The following CERS5 variants were observed in gnomAD, a reference collection of about 807,000 sequenced individuals.
CERS5 encodes ceramide synthase 5.
A neutral mutation model predicts 58.9 loss-of-function variants in CERS5; 37 were observed. The observed-to-expected ratio is 0.63, with a 90% CI of 0.48 to 0.83. The LOEUF (loss-of-function observed/expected upper bound fraction) is 0.83, where lower values mean the gene tolerates loss of function less well. Ranked by LOEUF, CERS5 falls within the 40% of genes least tolerant of loss-of-function variation. The pLI is 0.00. For synonymous variants in CERS5, 147 were observed against 177.8 expected (o/e 0.83, Z 1.38); for missense variants, 398 against 489.3 (o/e 0.81, Z 1.76).
chr12:50,134,967 T>G lies in CERS5; in HGVS notation c.873-265A>C, dbSNP rs548732468. ...ATTAATCACTTCAAATATCCAGAGTTTCACGAAATTAGGACAGCAGTGGGA... is the reference window on the plus strand; with the variant it reads ...ATTAATCACTTCAAATATCCAGAGTGTCACGAAATTAGGACAGCAGTGGGA... On this transcript the variant is annotated intron_variant, in intron 8 of 9. Coordinates refer to ENST00000317551, the MANE Select transcript of CERS5 (RefSeq NM_147190.5). 4 of 470,684 alleles carry G rather than the reference T, an allele frequency of 8.5e-6. No homozygotes were observed. The South Asian group carries it at 8.7e-5, about 10-fold the overall frequency. 29.2% of individuals were successfully genotyped at this position (470,684 alleles called of 1,614,324 possible). A position where few individuals can be genotyped will look rare whatever the true frequency, so the allele number is the denominator to read the frequency against.
chr12:50,135,798 C>T lies in CERS5; in HGVS notation c.806G>A (p.Cys269Tyr). The T allele has an allele frequency of 6.2e-7, 1 of 1,614,104 alleles. No homozygotes were observed. Among genetic ancestry groups the T allele is most frequent in the Non-Finnish European group, 8.5e-7 (1 of 1,180,018 alleles). The change falls in exon 8 of 10, where the codon TGT becomes TAT. Residue 269 changes from cysteine (C) to tyrosine (Y), a missense_variant. Transcript: ENST00000317551. ...ACTGAAGATCACAAAAAGGGTGTCA[C>T]AGAGCCGCTGATACTTGGCATAATT... ...LANYAKYQRL[C>Y]DTLFVIFSAV...
At chr12:50,167,032 G>C in intron 1 of CERS5, 69 bp downstream of exon 1, 5 of 1,236,006 alleles carry the variant, frequency 4.0e-6, no homozygotes, top group Non-Finnish European at 5.4e-6. Flanking sequence ...TCCGGCCCTC[G>C]GCCCTTCCCA....
At chr12:50,138,989 A>G (rs1348575369) in intron 4 of CERS5, among the ~76,000 whole-genome samples, 5 of 152,332 alleles carry the variant, frequency 3.3e-5, no homozygotes, top group African/African-American at 9.6e-5. Flanking sequence ...TATGTCCTTT[A>G]AGGAGTTTGT....
At chr12:50,148,482 A>T (rs1345017156) in intron 1 of CERS5, 1 of 280,592 alleles carries the variant, frequency 3.6e-6, no homozygotes, top group Non-Finnish European at 7.5e-6. Flanking sequence ...CTGTAGTCCC[A>T]GCTGCTCAGG....
At chr12:50,155,241 G>T (rs1938437099) in intron 1 of CERS5, among the ~76,000 whole-genome samples, 1 of 152,012 alleles carries the variant, frequency 6.6e-6, no homozygotes, top group African/African-American at 2.4e-5. Flanking sequence ...AAAGCTCCTT[G>T]GAGTCCTCAG....
intron 8 of CERS5, chr12:50,135,282 AG>A: frequency 4.6e-6 from 1 of 216,664 alleles, no homozygotes; most frequent in South Asian, 4.3e-5. Context: ...AGGGAGAGAG[AG>A]GAGAGGGAGG....
At chr12:50,131,691 A>G (rs1347595742) in intron 9 of CERS5, among the ~76,000 whole-genome samples, 4 of 152,008 alleles carry the variant, frequency 2.6e-5, no homozygotes, top group Non-Finnish European at 5.9e-5. Flanking sequence ...CCATCTGTGA[A>G]TGCTTATTAA....
In CERS5 at chr12:50,155,736, C is replaced by CAAAAAAA. The variant is rs146913126; in HGVS notation, c.197+11358_197+11364dup. 4.7e-4 allele frequency among the ~76,000 whole-genome samples: 10 copies of CAAAAAAA among 21,478 alleles called. 1 individual carries two copies. Among genetic ancestry groups the CAAAAAAA allele is most frequent in the African/African-American group, 2.0e-3 (10 of 4,950 alleles). The allele number at this position is 21,478 out of a possible 152,430, so 14.1% of individuals were successfully genotyped here. A position where few individuals can be genotyped will look rare whatever the true frequency, so the allele number is the denominator to read the frequency against. On this transcript the variant is annotated intron_variant, in intron 1 of 9. Transcript: ENST00000317551. ...TGGGCGACAGAGCGAGACTCCATCTCAAAAAAAAAAAAAAAAAAAAAAAAA... is the reference window on the plus strand; with the variant it reads ...TGGGCGACAGAGCGAGACTCCATCTCAAAAAAAAAAAAAAAAAAAAAAAAAAAAAAAA...
At chr12:50,135,229 GAC>G (rs1951602214) in intron 8 of CERS5, among the ~76,000 whole-genome samples, 1 of 92,402 alleles carries the variant, frequency 1.1e-5, no homozygotes, top group Admixed American at 1.0e-4. Context: ...GAGAGAGGAG[GAC>G]AGGGAGGGAG....
At chr12:50,134,324 T>C in intron 9 of CERS5, 1 of 1,213,156 alleles carries the variant, frequency 8.2e-7, no homozygotes, top group Admixed American at 2.7e-5. Flanking sequence ...CAGTAAGCTA[T>C]GATCATGCCA....
intron 9 of CERS5, chr12:50,133,207 A>G (rs182222028): frequency 2.2e-4 from 254 of 1,170,836 alleles, no homozygotes; most frequent in Non-Finnish European, 2.6e-4. Flanking sequence ...GCCACATTCC[A>G]TCACTTGGTC....
chr12:50,142,106 TCCA>T lies in CERS5; in HGVS notation c.436_438del (p.Trp146del). On this transcript the variant is annotated inframe_deletion and splice_region_variant, in exon 4 of 10. Coordinates refer to ENST00000317551, the MANE Select transcript of CERS5 (RefSeq NM_147190.5). ...AATATACATAAATAAAATGTGAATC[TCCA>T]CCTGGGTGGGCAAAGAGTAAAGGTT... 8.1e-6 allele frequency: 13 copies of T among 1,601,232 alleles called. No homozygotes were observed. Among genetic ancestry groups the T allele is most frequent in the Non-Finnish European group, 1.1e-5 (13 of 1,170,010 alleles).
intron 1 of CERS5, among the ~76,000 whole-genome samples, chr12:50,163,421 C>A (rs1939523949): frequency 6.6e-6 from 1 of 151,848 alleles, no homozygotes. Flanking sequence ...TGGTCTCAAA[C>A]TCCTGACCTC....
At chr12:50,147,839 G>A (rs1048148801) in intron 1 of CERS5, among the ~76,000 whole-genome samples, 1 of 152,078 alleles carries the variant, frequency 6.6e-6, no homozygotes, top group Admixed American at 6.6e-5. Context: ...GTGCAGTGGT[G>A]TGATCACTGC....
intron 1 of CERS5, chr12:50,165,931 T>C (rs111269432): frequency 2.2e-6 from 1 of 455,136 alleles, no homozygotes; most frequent in South Asian, 1.6e-5. Context: ...AAAGCCTCAG[T>C]GAATATCTTT....
intron 5 of CERS5, among the ~76,000 whole-genome samples, chr12:50,138,076 A>G (rs1951780850): frequency 6.6e-6 from 1 of 152,196 alleles, no homozygotes; most frequent in Non-Finnish European, 1.5e-5. Context: ...CTGTAACACA[A>G]TCAAATCAGT....
chr12:50,140,428 C>T (rs1478920624), intron 4 of CERS5, among the ~76,000 whole-genome samples: 1 of 151,550 alleles, frequency 6.6e-6, no homozygotes. Flanking sequence ...GGATTATAGG[C>T]ACGTGCCACC....
chr12:50,166,933 G>A (rs562896020), intron 1 of CERS5, among the ~76,000 whole-genome samples, 168 bp downstream of exon 1: 40 of 152,246 alleles, frequency 2.6e-4, no homozygotes, highest in Middle Eastern at 3.4e-3. Flanking sequence ...TCTCCATCTA[G>A]GCTACCACCT....
rs144944513 is a variant in CERS5, at chr12:50,141,832, G to A, written c.492+221C>T. The stretch of plus-strand genomic sequence containing the variant: ...TGTGCACCTGTAGTCCCAGCTACTC[G>A]GGAGGCTGAGGCAAGAGAATCTCTT... On this transcript the variant is annotated intron_variant, in intron 4 of 9. Transcript: ENST00000317551. 7.9e-3 allele frequency among the ~76,000 whole-genome samples: 1,202 copies of A among 151,488 alleles called. 18 individuals carry two copies. The highest frequency in any genetic ancestry group is 0.028 in the African/African-American group (1,139 of 41,266).
Sources: gnomAD v4.1 joint callset for allele counts (sites outside exome capture counted in the v4.1 genomes callset) on GRCh38, gnomAD v4.1.1 for gene constraint, MANE v1.5 for transcripts, NCBI Gene and HGNC (gene_info 2026-07-23, HGNC 2026-07-21) for gene names.